Variants in KIAA1671 observed in about 807,000 individuals in gnomAD.
KIAA1671 encodes the protein KIAA1671.
A neutral mutation model predicts 131.2 loss-of-function variants in KIAA1671; 52 were observed. The ratio of observed to expected loss-of-function variants is 0.40; its 90% CI spans 0.32 to 0.50. The LOEUF is 0.50. KIAA1671 is among the 20% of genes least tolerant of loss of function. KIAA1671 has a pLI of 0.73. For synonymous variants in KIAA1671, 1,003 were observed against 961.6 expected, an observed-to-expected ratio of 1.04 and a Z score of -0.80; for missense variants, 2,360 against 2,364.2, an observed-to-expected ratio of 1.00 and a Z score of 0.04.
intron 2 of KIAA1671, among the ~76,000 whole-genome samples, chr22:25,027,097 G>A (rs1307552718): frequency 6.6e-6 from 1 of 152,160 alleles, no homozygotes; most frequent in Non-Finnish European, 1.5e-5. Flanking sequence ...ACTGTTGGGC[G>A]TTTCTCTTTC....
intron 6 of KIAA1671, among the ~76,000 whole-genome samples, chr22:25,136,446 G>A (rs1462108412): frequency 6.6e-6 from 1 of 152,200 alleles, no homozygotes; most frequent in Non-Finnish European, 1.5e-5. Context: ...TTCTGATTAT[G>A]TTCTCAAAGG....
chr22:25,096,565 CT>C (rs1447874186), intron 6 of KIAA1671, among the ~76,000 whole-genome samples: 1 of 152,186 alleles, frequency 6.6e-6, no homozygotes, highest in Non-Finnish European at 1.5e-5. Context: ...GTCCTTTGCC[CT>C]CAAAGTTCTG....
At chr22:24,978,998 ATT>A (rs200245806) in intron 1 of KIAA1671, among the ~76,000 whole-genome samples, 32 of 125,242 alleles carry the variant, frequency 2.6e-4, no homozygotes, top group East Asian at 9.2e-4. Flanking sequence ...CATCTTAATC[ATT>A]TTTTTTTTTT....
intron 10 of KIAA1671, among the ~76,000 whole-genome samples, chr22:25,183,384 C>G (rs1411035975): frequency 6.6e-6 from 1 of 152,048 alleles, no homozygotes; most frequent in Non-Finnish European, 1.5e-5. Context: ...GTGTGAACAT[C>G]TTTCAGTCAC....
intron 12 of KIAA1671, among the ~76,000 whole-genome samples, chr22:25,191,956 T>C (rs1934683806): frequency 6.6e-6 from 1 of 152,172 alleles, no homozygotes; most frequent in East Asian, 1.9e-4. Context: ...GTGTTACATA[T>C]GTATATATAT....
Position 24,976,628 on chromosome 22 carries a change from A to G in KIAA1671, c.-208+23856A>G, listed in dbSNP as rs551725604. Reference sequence around the variant, plus strand: ...GCCCACCGGGCTGGTCGCGACATGAAGATGCTTTCAGCACCCAGCACCCCT... The same window carrying G: ...GCCCACCGGGCTGGTCGCGACATGAGGATGCTTTCAGCACCCAGCACCCCT... On this transcript the variant is annotated intron_variant, in intron 1 of 12. Transcript: ENST00000358431. 9.7e-4 allele frequency among the ~76,000 whole-genome samples: 148 copies of G among 152,310 alleles called. 3 individuals are homozygous for G. In the South Asian group the frequency reaches 0.03, roughly 31 times the overall value.
intron 6 of KIAA1671, among the ~76,000 whole-genome samples, chr22:25,145,672 C>T (rs1822709279): frequency 6.6e-6 from 1 of 152,216 alleles, no homozygotes; most frequent in Non-Finnish European, 1.5e-5. Context: ...GGCACAATGG[C>T]TCACGCCTGT....
At chr22:25,033,484 A>G (rs1926398359) in intron 4 of KIAA1671, among the ~76,000 whole-genome samples, 1 of 151,954 alleles carries the variant, frequency 6.6e-6, no homozygotes, top group Non-Finnish European at 1.5e-5. Context: ...TTAATAAGAG[A>G]AAACTCATAA....
At chr22:25,031,190 C>T (rs59432858) in intron 3 of KIAA1671, among the ~76,000 whole-genome samples, 8,771 of 146,824 alleles carry the variant, frequency 0.06, 412 homozygotes, top group African/African-American at 0.13. Context: ...CCACACCCAG[C>T]TAATTTTTTT....
At chr22:25,171,126 G>A (rs557646616) in intron 7 of KIAA1671, among the ~76,000 whole-genome samples, 188 bp downstream of exon 7, 1 of 152,320 alleles carries the variant, frequency 6.6e-6, no homozygotes, top group African/African-American at 2.4e-5. Flanking sequence ...TGGGCCGGGT[G>A]CGGTGGCTCA....
At chr22:25,030,548 C>CA (rs1421419022) in intron 3 of KIAA1671, among the ~76,000 whole-genome samples, 1 of 151,498 alleles carries the variant, frequency 6.6e-6, no homozygotes, top group Non-Finnish European at 1.5e-5. Flanking sequence ...AAAAAAACAC[C>CA]AAAAAACAAA....
At chr22:25,118,939 G>A (rs1376883920) in intron 6 of KIAA1671, among the ~76,000 whole-genome samples, 4 of 152,026 alleles carry the variant, frequency 2.6e-5, no homozygotes, top group South Asian at 2.1e-4. Context: ...GCTTCCCGAC[G>A]TTCCAGGCTG....
At chr22:25,084,804 G>C (rs952604408) in intron 6 of KIAA1671, among the ~76,000 whole-genome samples, 2 of 152,210 alleles carry the variant, frequency 1.3e-5, no homozygotes, top group African/African-American at 4.8e-5. Flanking sequence ...AAACCATCTA[G>C]AGTCTTCTTC....
At chr22:25,166,271 G>A (rs1445562238) in intron 6 of KIAA1671, among the ~76,000 whole-genome samples, 2 of 152,126 alleles carry the variant, frequency 1.3e-5, no homozygotes, top group Non-Finnish European at 2.9e-5. Flanking sequence ...GGCATTAGGC[G>A]GTGGAGGGAG....
intron 6 of KIAA1671, among the ~76,000 whole-genome samples, chr22:25,143,301 CAG>C (rs1195475956): frequency 2.0e-5 from 3 of 152,242 alleles, no homozygotes; most frequent in African/African-American, 2.4e-5. Context: ...CCTCCACTCT[CAG>C]GGGTCTGAGG....
intron 6 of KIAA1671, among the ~76,000 whole-genome samples, chr22:25,067,894 G>A (rs1406711309): frequency 6.6e-6 from 1 of 152,248 alleles, no homozygotes; most frequent in Non-Finnish European, 1.5e-5. Flanking sequence ...TAATCCCTCA[G>A]TTAGCGGGGC....
chr22:25,107,353 T>C (rs1931066350), intron 6 of KIAA1671, among the ~76,000 whole-genome samples: 1 of 151,420 alleles, frequency 6.6e-6, no homozygotes, highest in Admixed American at 6.6e-5. Context: ...GGAGGCGGAG[T>C]TTGCAGCAAG....
intron 6 of KIAA1671, among the ~76,000 whole-genome samples, chr22:25,169,982 T>TGGCTCATTGCAAGCTC (rs1483711764): frequency 1.3e-5 from 2 of 152,152 alleles, no homozygotes; most frequent in Non-Finnish European, 2.9e-5. Flanking sequence ...GGTGCAATCT[T>TGGCTCATTGCAAGCTC]GGCTCATTGC....
chr22:25,085,306 C>G (rs1341865459), intron 6 of KIAA1671, among the ~76,000 whole-genome samples: 2 of 152,230 alleles, frequency 1.3e-5, no homozygotes, highest in Non-Finnish European at 2.9e-5. Flanking sequence ...GGAACCAACA[C>G]TGCTGCTGGC....
Sources: allele counts gnomAD v4.1 joint callset (sites outside exome capture counted in the v4.1 genomes callset), GRCh38; gene constraint gnomAD v4.1.1; transcripts MANE v1.5; gene names NCBI Gene and HGNC (gene_info 2026-07-23, HGNC 2026-07-21).